Variants in STAT4 observed in about 807,000 individuals in gnomAD.
The protein encoded by STAT4 is signal transducer and activator of transcription 4.
In STAT4, 42 loss-of-function variants were observed where a neutral mutation model predicts 110.5. That is an observed-to-expected ratio of 0.38 (90% CI 0.30 to 0.49). STAT4 has a LOEUF of 0.49. STAT4 is among the 20% of genes least tolerant of loss of function. The pLI is 0.95. For synonymous variants in STAT4, 284 were observed against 302.2 expected, an observed-to-expected ratio of 0.94 and a Z score of 0.63; for missense variants, 632 against 887.9, an observed-to-expected ratio of 0.71 and a Z score of 3.66.
chr2:191,131,477 T>C (rs913838327), intron 3 of STAT4: 1 of 177,044 alleles, frequency 5.6e-6, no homozygotes, highest in African/African-American at 2.4e-5. Context: ...ATAAATATAG[T>C]GTGATCTCAC....
chr2:191,122,916 A>G (rs1321522794), intron 3 of STAT4, among the ~76,000 whole-genome samples: 1 of 152,250 alleles, frequency 6.6e-6, no homozygotes, highest in Admixed American at 6.5e-5. Context: ...ATATGGATGT[A>G]TATTAAAAAA....
At chr2:191,125,332 G>C (rs987994187) in intron 3 of STAT4, among the ~76,000 whole-genome samples, 1 of 151,922 alleles carries the variant, frequency 6.6e-6, no homozygotes, top group Admixed American at 6.6e-5. Flanking sequence ...GGCTACCTGC[G>C]TAACTTTACA....
chr2:191,105,669 T>A (rs575919978), intron 3 of STAT4, among the ~76,000 whole-genome samples: 35 of 152,330 alleles, frequency 2.3e-4, no homozygotes, highest in East Asian at 1.3e-3. Context: ...CTTCCAGTTT[T>A]AAAAATTTAA....
rs1363232291 is a variant in STAT4 at position 191,099,744 on chromosome 2, C to T, written c.274-23419G>A. Among the ~76,000 whole-genome samples the T allele has an allele frequency of 2.0e-5, 3 of 151,782 alleles. No homozygotes were observed. The highest frequency in any genetic ancestry group is 2.0e-4 in the Admixed American group (3 of 15,238). On this transcript the variant is annotated intron_variant, in intron 3 of 23. Transcript: ENST00000392320. This position sits in a 1 kb window ranked among gnomAD's most constrained non-coding sequence, Gnocchi z 4.1. ...AAAGGTTCACACTTGACTGTTAATA[C>T]GGATGTCTTTGAAGGTAGTGGTGTG...
chr2:191,064,859 T>C lies in STAT4; in HGVS notation c.730A>G (p.Ile244Val). 2 of 1,613,560 alleles carry C rather than the reference T, an allele frequency of 1.2e-6. No homozygotes were observed. The change falls in exon 8 of 24, where the codon ATC (isoleucine) becomes GTC (valine). Residue 244 changes from isoleucine to valine, a missense_variant. Physicochemically the swap from Ile to Val is conservative, Grantham distance 29 (BLOSUM62 3). Coordinates refer to ENST00000392320, the MANE Select transcript of STAT4 (RefSeq NM_003151.4). ...TGGAGTGGACCCCCGATGCAGGCGA[T>C]TTGCTGCCGCCGCTTCCAGTCTTGC... ...ELQDWKRRQQ[I>V]ACIGGPLHNG... is the part of the protein sequence containing the mutation.
intron 13 of STAT4, 68 bp from the exon 14 acceptor site, chr2:191,054,602 C>T: frequency 7.1e-7 from 1 of 1,409,396 alleles, no homozygotes; most frequent in Non-Finnish European, 9.9e-7. Flanking sequence ...GTTGGTCGTA[C>T]CTGTTGCGGT....
chr2:191,085,433 T>C (rs1336593855), intron 3 of STAT4, among the ~76,000 whole-genome samples: 2 of 151,230 alleles, frequency 1.3e-5, no homozygotes, highest in Non-Finnish European at 3.0e-5. Context: ...TATTTATATT[T>C]ATATTATATT....
chr2:191,029,753 G>A lies in STAT4; in HGVS notation c.*87C>T. On this transcript the variant is annotated 3_prime_UTR_variant, in exon 24 of 24. Coordinates refer to ENST00000392320, the MANE Select transcript of STAT4 (RefSeq NM_003151.4). This position sits in a 1 kb window ranked among gnomAD's most constrained non-coding sequence, Gnocchi z 4.5. The stretch of plus-strand genomic sequence containing the variant: ...CCTAGAACCTGGTATTTACAAAGCT[G>A]AAGAAATAAAATGTGGTTATTGGGC... 1 of 1,242,972 alleles carries A rather than the reference G, an allele frequency of 8.0e-7. No individual in the cohort carries two copies. Among genetic ancestry groups the A allele is most frequent in the Non-Finnish European group, 1.2e-6 (1 of 867,116 alleles). 77.0% of individuals were successfully genotyped at this position (1,242,972 alleles called of 1,614,324 possible).
In STAT4 at chr2:191,053,696, A is replaced by G. The variant is rs987586290; in HGVS notation, c.1251+794T>C. On this transcript the variant is annotated intron_variant, in intron 14 of 23. Transcript: ENST00000392320. This position sits in a 1 kb window ranked among gnomAD's most constrained non-coding sequence, Gnocchi z 4.5. ...CAGCCTGACTTCATATATGTGAGAA[A>G]ATGAGTGAACAAAAATGAAGAATGA... 6.6e-6 allele frequency among the ~76,000 whole-genome samples: 1 copy of G among 152,262 alleles called. No homozygotes were observed. Among genetic ancestry groups the G allele is most frequent in the African/African-American group, 2.4e-5 (1 of 41,476 alleles).
chr2:191,069,822 A>T, intron 5 of STAT4, 51 bp from the exon 6 acceptor site: 1 of 1,419,340 alleles, frequency 7.0e-7, no homozygotes, highest in South Asian at 1.2e-5. Context: ...TAAGCATGTC[A>T]ATCAAACAAC....
intron 14 of STAT4, among the ~76,000 whole-genome samples, chr2:191,049,214 A>G (rs1311249650): frequency 1.6e-5 from 2 of 127,568 alleles, no homozygotes; most frequent in East Asian, 4.4e-4. Context: ...TCGCTCTGTC[A>G]CCCAGGCTGG....
intron 3 of STAT4, among the ~76,000 whole-genome samples, chr2:191,132,231 C>G (rs1470341675): frequency 6.6e-6 from 1 of 151,724 alleles, no homozygotes; most frequent in Non-Finnish European, 1.5e-5. Flanking sequence ...GCTTCAACAT[C>G]ACTCCTAACT....
intron 3 of STAT4, among the ~76,000 whole-genome samples, chr2:191,145,961 C>T (rs1699449986): frequency 6.6e-6 from 1 of 152,152 alleles, no homozygotes; most frequent in South Asian, 2.1e-4. Context: ...TGCACATCTA[C>T]CACAAGTCCA....
chr2:191,078,086 A>T (rs1697363979), intron 3 of STAT4, among the ~76,000 whole-genome samples: 1 of 100,356 alleles, frequency 1.0e-5, no homozygotes, highest in South Asian at 5.5e-4. Context: ...ATTTATTTTA[A>T]TATTATTCCA....
intron 13 of STAT4, among the ~76,000 whole-genome samples, chr2:191,057,433 T>C (rs1252233747): frequency 6.6e-6 from 1 of 152,210 alleles, no homozygotes; most frequent in Non-Finnish European, 1.5e-5. Flanking sequence ...CAGCAAAATA[T>C]ACTGACCAAC....
At chr2:191,125,948 G>T (rs368071198) in intron 3 of STAT4, among the ~76,000 whole-genome samples, 1 of 152,154 alleles carries the variant, frequency 6.6e-6, no homozygotes, top group East Asian at 1.9e-4. Flanking sequence ...CTTCTTGTTG[G>T]TAAATTAAAA....
intron 14 of STAT4, among the ~76,000 whole-genome samples, chr2:191,048,439 G>T (rs199648848): frequency 1.3e-5 from 2 of 151,962 alleles, no homozygotes; most frequent in Admixed American, 1.3e-4. Flanking sequence ...TCTCACATTC[G>T]CAGGTTCCAT....
intron 3 of STAT4, among the ~76,000 whole-genome samples, chr2:191,115,477 T>C (rs1698546699): frequency 6.6e-6 from 1 of 152,252 alleles, no homozygotes; most frequent in African/African-American, 2.4e-5. Context: ...CTTGTCCTTC[T>C]GTCTGGTTCA....
At chr2:191,036,731 G>A (rs995517221) in intron 16 of STAT4, among the ~76,000 whole-genome samples, 2 of 152,050 alleles carry the variant, frequency 1.3e-5, no homozygotes, top group Admixed American at 1.3e-4. Flanking sequence ...AGCTTGCCTT[G>A]GTCACTCCTT....
Sources: allele counts gnomAD v4.1 joint callset (sites outside exome capture counted in the v4.1 genomes callset), GRCh38; gene constraint gnomAD v4.1.1; non-coding constraint Gnocchi (gnomAD v3.1); transcripts MANE v1.5; gene names NCBI Gene and HGNC (gene_info 2026-07-23, HGNC 2026-07-21).